The following CFAP61 variants were observed in gnomAD, a reference collection of about 807,000 sequenced individuals.
The protein encoded by CFAP61 is cilia- and flagella-associated protein 61.
CFAP61 carries 107 observed loss-of-function variants against 135.6 expected under a neutral mutation model. The ratio of observed to expected loss-of-function variants is 0.79; its 90% CI spans 0.67 to 0.93. The LOEUF (loss-of-function observed/expected upper bound fraction) is 0.93, where lower values mean the gene tolerates loss of function less well. Ranked by LOEUF, CFAP61 falls within the 40% of genes least tolerant of loss-of-function variation. CFAP61 has a pLI of 0.00. For missense variants in CFAP61, 1,507 were observed against 1,556.2 expected, an observed-to-expected ratio of 0.97 and a Z score of 0.53; for synonymous variants, 575 against 578.5, an observed-to-expected ratio of 0.99 and a Z score of 0.09.
In CFAP61 at chr20:20,320,677, C is replaced by G. The variant is rs181219950; in HGVS notation, c.3423-21154C>G. Among the ~76,000 whole-genome samples, 91 of 148,674 alleles carry G rather than the reference C, an allele frequency of 6.1e-4. 1 individual carries two copies. Among genetic ancestry groups the G allele is most frequent in the African/African-American group, 2.1e-3 (85 of 40,298 alleles). On this transcript the variant is annotated intron_variant, in intron 25 of 26. Coordinates refer to ENST00000245957, the MANE Select transcript of CFAP61 (RefSeq NM_015585.4). ...CCCAAGACTGCCCTTGAGCTAATAA[C>G]TGTTTTAATTGGGTAATGGATGATG...
At position 20,233,997 on chromosome 20, in the gene CFAP61, C is replaced by T. The variant is rs78970473; in HGVS notation, c.2060+5621C>T. On this transcript the variant is annotated intron_variant, in intron 18 of 26. Transcript: ENST00000245957. ...ACAAACCATGTACCCGGATCTGAGT[C>T]GTACACCCGCCTCCTCAGTCTTCAT... Among the ~76,000 whole-genome samples, 132 of 152,272 alleles carry T rather than the reference C, an allele frequency of 8.7e-4. 2 individuals carry two copies. The East Asian group carries it at 0.02, about 23-fold the overall frequency.
At chr20:20,291,244 G>A (rs1172318216) in intron 24 of CFAP61, among the ~76,000 whole-genome samples, 1 of 152,182 alleles carries the variant, frequency 6.6e-6, no homozygotes, top group Non-Finnish European at 1.5e-5. Context: ...AATGTATAAT[G>A]ACACATATCC....
chr20:20,088,373 G>T (rs2046952795), intron 6 of CFAP61, among the ~76,000 whole-genome samples: 1 of 152,162 alleles, frequency 6.6e-6, no homozygotes, highest in African/African-American at 2.4e-5. Context: ...TCACAGTTCT[G>T]CAGCGCTGGG....
intron 17 of CFAP61, among the ~76,000 whole-genome samples, chr20:20,224,972 C>T (rs927356219): frequency 6.6e-6 from 1 of 152,118 alleles, no homozygotes; most frequent in Non-Finnish European, 1.5e-5. Flanking sequence ...ACAGAATCTC[C>T]AATGCATGGG....
chr20:20,184,145 G>T (rs1458239710), intron 13 of CFAP61, among the ~76,000 whole-genome samples: 3 of 152,192 alleles, frequency 2.0e-5, no homozygotes, highest in Admixed American at 1.3e-4. Context: ...TGAGCTTCAA[G>T]CCTTGCTGGG....
At chr20:20,193,862 C>T (rs1250793800) in intron 15 of CFAP61, among the ~76,000 whole-genome samples, 1 of 152,154 alleles carries the variant, frequency 6.6e-6, no homozygotes, top group Non-Finnish European at 1.5e-5. Context: ...GATCTGCCCC[C>T]CTCAACCTCC....
At chr20:20,057,996 T>G (rs2044508708) in intron 2 of CFAP61, among the ~76,000 whole-genome samples, 2 of 152,154 alleles carry the variant, frequency 1.3e-5, no homozygotes, top group Non-Finnish European at 2.9e-5. Context: ...CCAAAGTCTT[T>G]GGATTACAGG....
At chr20:20,122,040 G>A (rs1033008549) in intron 8 of CFAP61, among the ~76,000 whole-genome samples, 18 of 151,414 alleles carry the variant, frequency 1.2e-4, no homozygotes, top group African/African-American at 4.4e-4. Flanking sequence ...AGATTTTGTT[G>A]CACCCATCAC....
intron 18 of CFAP61, among the ~76,000 whole-genome samples, chr20:20,241,701 C>T (rs1235028185): frequency 6.6e-6 from 1 of 152,112 alleles, no homozygotes; most frequent in Non-Finnish European, 1.5e-5. Context: ...CTATATATAA[C>T]TATTATTGGT....
intron 8 of CFAP61, among the ~76,000 whole-genome samples, chr20:20,118,251 A>ATGTTTGTTTGTTTGTTTGTT (rs1371575120): frequency 5.3e-5 from 6 of 113,674 alleles, no homozygotes; most frequent in African/African-American, 1.9e-4. Context: ...ATTTTGAGGT[A>ATGTTTGTTTGTTTGTTTGTT]TGTTTCTTTC....
chr20:20,331,724 C>T (rs1231222909), intron 25 of CFAP61, among the ~76,000 whole-genome samples: 1 of 152,034 alleles, frequency 6.6e-6, no homozygotes, highest in Non-Finnish European at 1.5e-5. Context: ...GTCCCCCTGA[C>T]TCGTGGGGGT....
chr20:20,247,492 G>A (rs562178198), intron 19 of CFAP61, among the ~76,000 whole-genome samples: 5 of 152,280 alleles, frequency 3.3e-5, no homozygotes, highest in African/African-American at 1.2e-4. Context: ...AGATCACATC[G>A]CCTCCTCACC....
rs933990291 is a variant in CFAP61 at position 20,089,420 on chromosome 20, A to G, written c.567-1424A>G. ...TATATATATACTGATCACTCAGTAG[A>G]TGGAGCTGCTATTAACGTCAAAGAG... On this transcript the variant is annotated intron_variant, in intron 6 of 26. Transcript: ENST00000245957. Among the ~76,000 whole-genome samples, 31 of 152,094 alleles carry G rather than the reference A, an allele frequency of 2.0e-4. 1 individual carries two copies. Among genetic ancestry groups the G allele is most frequent in the Admixed American group, 1.6e-3 (25 of 15,274 alleles).
rs1337916781 is a variant in CFAP61, at chr20:20,359,811, G to C, written c.3514-399G>C. On this transcript the variant is annotated intron_variant, in intron 26 of 26. Coordinates refer to ENST00000245957, the MANE Select transcript of CFAP61 (RefSeq NM_015585.4). This position sits in a 1 kb window ranked among gnomAD's most constrained non-coding sequence, Gnocchi z 4.0. ...TGATATAAGCCAGTCACAAAAAAAA[G>C]TACTACAGGGTTCCACTCATATGAG... Among the ~76,000 whole-genome samples, 1 of 152,166 alleles carries C rather than the reference G, an allele frequency of 6.6e-6. No individual in the cohort carries two copies. Among genetic ancestry groups the C allele is most frequent in the African/African-American group, 2.4e-5 (1 of 41,454 alleles).
At position 20,243,450 on chromosome 20, in the gene CFAP61, T is replaced by G. The variant is rs142667552; in HGVS notation, c.2061-2667T>G. Reference sequence around the variant, plus strand: ...CCCCCAAGTCTTTTTTTTTTTCTTTTTTTTGAGATGGAGTTTCACTCTTGT... The same window carrying G: ...CCCCCAAGTCTTTTTTTTTTTCTTTGTTTTGAGATGGAGTTTCACTCTTGT... On this transcript the variant is annotated intron_variant, in intron 18 of 26. Coordinates refer to ENST00000245957, the MANE Select transcript of CFAP61 (RefSeq NM_015585.4). Among the ~76,000 whole-genome samples the G allele has an allele frequency of 3.0e-3, 462 of 152,184 alleles. 2 individuals carry two copies. Among genetic ancestry groups the G allele is most frequent in the East Asian group, 0.025 (130 of 5,180 alleles).
chr20:20,218,503 C>T (rs2048186400), intron 17 of CFAP61, among the ~76,000 whole-genome samples: 1 of 152,172 alleles, frequency 6.6e-6, no homozygotes, highest in Non-Finnish European at 1.5e-5. Context: ...CAGCTGAGTC[C>T]AGAAAAACTT....
intron 6 of CFAP61, among the ~76,000 whole-genome samples, chr20:20,080,855 A>G (rs2046382833): frequency 1.3e-5 from 2 of 151,946 alleles, no homozygotes; most frequent in Non-Finnish European, 2.9e-5. Flanking sequence ...TACAAAAATT[A>G]ACTGGGCGTG....
intron 21 of CFAP61, chr20:20,267,619 G>A (rs1235511334): frequency 6.6e-6 from 1 of 152,568 alleles, no homozygotes; most frequent in East Asian, 1.9e-4. Context: ...CCAAGTCAGC[G>A]ATGAGATGGT....
At chr20:20,314,687 C>A (rs1376220239) in intron 25 of CFAP61, among the ~76,000 whole-genome samples, 1 of 118,460 alleles carries the variant, frequency 8.4e-6, no homozygotes, top group Non-Finnish European at 1.7e-5. Context: ...CCCTCCCCCA[C>A]CCCCCCACCC....
Sources: gnomAD v4.1 joint callset for allele counts (sites outside exome capture counted in the v4.1 genomes callset) on GRCh38, gnomAD v4.1.1 for gene constraint, Gnocchi (gnomAD v3.1) non-coding constraint, MANE v1.5 for transcripts, NCBI Gene and HGNC (gene_info 2026-07-23, HGNC 2026-07-21) for gene names.